EYA2: variants seen among roughly 807,000 people sequenced by gnomAD.
The protein encoded by EYA2 is EYA transcriptional coactivator and phosphatase 2.
In EYA2, 31 loss-of-function variants were observed where a neutral mutation model predicts 69.2. The observed-to-expected ratio is 0.45, with a 90% confidence interval of 0.34 to 0.60. EYA2 has a LOEUF of 0.60. Ranked by LOEUF, EYA2 falls within the 20% of genes least tolerant of loss-of-function variation. The pLI is 0.02. For synonymous variants in EYA2, 257 were observed against 279.4 expected (o/e 0.92, Z 0.80); for missense variants, 622 against 701.2 (o/e 0.89, Z 1.28).
chr20:47,057,835 C>G (rs1283098989), intron 5 of EYA2, among the ~76,000 whole-genome samples: 1 of 152,206 alleles, frequency 6.6e-6, no homozygotes, highest in East Asian at 1.9e-4. Context: ...TGTGCAACTT[C>G]CCACAGGTGT....
At chr20:47,025,933 A>G (rs1318867441) in intron 5 of EYA2, among the ~76,000 whole-genome samples, 3 of 152,246 alleles carry the variant, frequency 2.0e-5, no homozygotes, top group Non-Finnish European at 2.9e-5. Context: ...GAGGTTGAGC[A>G]TCTTTTCAGA....
At chr20:47,061,792 T>C (rs2030903475) in intron 5 of EYA2, among the ~76,000 whole-genome samples, 1 of 152,192 alleles carries the variant, frequency 6.6e-6, no homozygotes, top group South Asian at 2.1e-4. Context: ...CAGGGCCAAT[T>C]GCCTGTGGTG....
intron 1 of EYA2, among the ~76,000 whole-genome samples, chr20:46,961,402 G>A (rs1337578145): frequency 6.6e-6 from 1 of 152,114 alleles, no homozygotes; most frequent in Non-Finnish European, 1.5e-5. Flanking sequence ...TGAGAAAGGG[G>A]AACTCTTACA....
chr20:47,002,433 A>G (rs1266355546), intron 3 of EYA2, among the ~76,000 whole-genome samples: 2 of 151,984 alleles, frequency 1.3e-5, no homozygotes, highest in East Asian at 3.9e-4. Context: ...TTCAGCTCTC[A>G]CTTGTAAGTG....
intron 1 of EYA2, among the ~76,000 whole-genome samples, chr20:46,953,315 G>T (rs913929441): frequency 1.3e-5 from 2 of 152,176 alleles, no homozygotes; most frequent in African/African-American, 4.8e-5. Context: ...AGAGTTATGG[G>T]ACCTGGTTAT....
intron 2 of EYA2, among the ~76,000 whole-genome samples, chr20:46,994,272 GT>G (rs2146334488): frequency 6.6e-6 from 1 of 152,288 alleles, no homozygotes; most frequent in East Asian, 1.9e-4. Context: ...ACCCTGGTTT[GT>G]TTGTAGGAAC....
intron 10 of EYA2, among the ~76,000 whole-genome samples, chr20:47,156,912 A>G (rs1276189706): frequency 2.0e-5 from 3 of 151,930 alleles, no homozygotes; most frequent in Non-Finnish European, 2.9e-5. Flanking sequence ...TTCTGCATTC[A>G]TGTCTCCAAG....
rs1340778 is a variant in EYA2 at position 47,049,044 on chromosome 20, A to C, written c.416-23141A>C. On this transcript the variant is annotated intron_variant, in intron 5 of 15. Transcript: ENST00000327619. ...TGAAGACCCATTTTGCAGATGGAGA[A>C]ACTGAGGCACAGAGGCACTAAGTCA... Among the ~76,000 whole-genome samples the C allele has an allele frequency of 5.8e-4, 89 of 152,330 alleles. 1 individual carries two copies. The East Asian group carries it at 0.014, about 24-fold the overall frequency.
At chr20:47,162,824 T>G (rs1225410953) in intron 10 of EYA2, among the ~76,000 whole-genome samples, 1 of 151,958 alleles carries the variant, frequency 6.6e-6, no homozygotes, top group East Asian at 1.9e-4. Context: ...TGGCCCTCAT[T>G]TTTTTTAATG....
intron 1 of EYA2, among the ~76,000 whole-genome samples, chr20:46,915,263 A>T (rs895777205): frequency 6.6e-6 from 1 of 152,176 alleles, no homozygotes; most frequent in Non-Finnish European, 1.5e-5. Flanking sequence ...GTGTTTTTTT[A>T]AAAAACACGC....
chr20:47,057,137 GGGAGGAAGGAAGGAAGGAAGGAA>G (rs2030662787), intron 5 of EYA2, among the ~76,000 whole-genome samples: 3 of 124,746 alleles, frequency 2.4e-5, no homozygotes, highest in Non-Finnish European at 5.0e-5. Context: ...ACAGGAAGGA[GGGAGGAAGGAAGGAAGGAAGGAA>G]GGAAGGAAGG....
At chr20:47,047,051 T>A (rs1379254901) in intron 5 of EYA2, among the ~76,000 whole-genome samples, 1 of 152,230 alleles carries the variant, frequency 6.6e-6, no homozygotes, top group African/African-American at 2.4e-5. Context: ...TTCTAAAATG[T>A]ATCGTGTACA....
chr20:46,908,870 C>CTTTTTTTTTTTTTTTTTT lies in EYA2; in HGVS notation c.-11+13903_-11+13920dup, dbSNP rs56834738. Among the ~76,000 whole-genome samples the CTTTTTTTTTTTTTTTTTT allele has an allele frequency of 1.3e-4, 6 of 47,582 alleles. 1 individual carries two copies. The highest frequency in any genetic ancestry group is 1.2e-3 in the East Asian group (1 of 806). 31.2% of individuals were successfully genotyped at this position (47,582 alleles called of 152,430 possible). ...AAAGGCACTAAGCCTCTCTCCCGCA[C>CTTTTTTTTTTTTTTTTTT]TTTTTTTTTTTTTTTTTTTTTTTTT... On this transcript the variant is annotated intron_variant, in intron 1 of 15. Coordinates refer to ENST00000327619, the MANE Select transcript of EYA2 (RefSeq NM_005244.5).
intron 5 of EYA2, among the ~76,000 whole-genome samples, chr20:47,034,782 C>A (rs2146403720): frequency 6.6e-6 from 1 of 152,312 alleles, no homozygotes; most frequent in South Asian, 2.1e-4. Context: ...GAAATCAAGG[C>A]ATTGGCAAGG....
At chr20:47,092,021 C>T (rs567688345) in intron 8 of EYA2, among the ~76,000 whole-genome samples, 2 of 152,240 alleles carry the variant, frequency 1.3e-5, no homozygotes, top group African/African-American at 4.8e-5. Context: ...CTAGGATGCT[C>T]TTTTCAGAAG....
At chr20:47,155,588 C>G (rs1254605932) in intron 10 of EYA2, among the ~76,000 whole-genome samples, 1 of 151,938 alleles carries the variant, frequency 6.6e-6, no homozygotes, top group Non-Finnish European at 1.5e-5. Flanking sequence ...ACTTGTGCGA[C>G]AGCTGACGCA....
chr20:46,991,592 G>T (rs1179431953), intron 2 of EYA2, among the ~76,000 whole-genome samples: 1 of 152,180 alleles, frequency 6.6e-6, no homozygotes. Context: ...TCTTTGTTTG[G>T]TTTACACTAT....
chr20:47,095,116 C>A (rs1396856906), intron 8 of EYA2, among the ~76,000 whole-genome samples: 1 of 151,984 alleles, frequency 6.6e-6, no homozygotes, highest in Non-Finnish European at 1.5e-5. Flanking sequence ...TAGGAAAATT[C>A]TAATTGGTTT....
chr20:47,001,864 C>T (rs1353505538), intron 3 of EYA2, among the ~76,000 whole-genome samples: 1 of 151,322 alleles, frequency 6.6e-6, no homozygotes, highest in African/African-American at 2.4e-5. Context: ...ATTTTTCCCT[C>T]CCTTTTTGCC....
Sources: gnomAD v4.1 joint callset for allele counts (sites outside exome capture counted in the v4.1 genomes callset) on GRCh38, gnomAD v4.1.1 for gene constraint, MANE v1.5 for transcripts, NCBI Gene and HGNC (gene_info 2026-07-23, HGNC 2026-07-21) for gene names.